XYLT1: variants seen among roughly 807,000 people sequenced by gnomAD.
XYLT1 encodes the protein beta-D-xylosyltransferase 1.
In XYLT1, 36 loss-of-function variants were observed where a neutral mutation model predicts 91.3. The observed-to-expected ratio is 0.39, with a 90% CI of 0.30 to 0.52. The LOEUF is 0.52. XYLT1 is among the 20% of genes least tolerant of loss of function. The pLI is 0.68. For missense variants in XYLT1, 1,242 were observed against 1,284.5 expected (o/e 0.97, Z 0.51); for synonymous variants, 588 against 532.0 (o/e 1.11, Z -1.45).
chr16:17,195,015 C>G (rs148528081), intron 5 of XYLT1, among the ~76,000 whole-genome samples: 4 of 152,224 alleles, frequency 2.6e-5, no homozygotes, highest in African/African-American at 7.2e-5. Context: ...ATTTCTCAAA[C>G]GCAACAAGTT....
intron 2 of XYLT1, among the ~76,000 whole-genome samples, chr16:17,337,996 T>G (rs1027719695): frequency 6.6e-6 from 1 of 151,816 alleles, no homozygotes; most frequent in African/African-American, 2.4e-5. Context: ...AGGCTGGTCT[T>G]GAACTCCTGA....
intron 1 of XYLT1, among the ~76,000 whole-genome samples, chr16:17,461,717 G>A (rs4238651): frequency 0.031 from 4,699 of 152,208 alleles, 246 homozygotes; most frequent in African/African-American, 0.11. Flanking sequence ...GGGAGAATGA[G>A]GGGCTAGAGT....
intron 6 of XYLT1, among the ~76,000 whole-genome samples, chr16:17,141,860 C>G (rs564919039): frequency 3.3e-5 from 5 of 152,318 alleles, no homozygotes; most frequent in Non-Finnish European, 5.9e-5. Context: ...AAAGTAATGC[C>G]TGTGCTTCTT....
intron 2 of XYLT1, among the ~76,000 whole-genome samples, chr16:17,326,840 CA>C (rs1179047580): frequency 2.0e-5 from 3 of 150,012 alleles, no homozygotes; most frequent in African/African-American, 4.9e-5. Context: ...CAAAAAAAAA[CA>C]AAAAAAACAA....
intron 3 of XYLT1, among the ~76,000 whole-genome samples, chr16:17,247,270 G>A (rs1020346888): frequency 2.0e-5 from 3 of 152,254 alleles, no homozygotes; most frequent in East Asian, 1.9e-4. Context: ...AATCAGTTGT[G>A]CCCAAGGGAG....
chr16:17,323,256 ACAGGCCTATT>A, intron 2 of XYLT1, among the ~76,000 whole-genome samples: 1 of 152,374 alleles, frequency 6.6e-6, no homozygotes, highest in South Asian at 2.1e-4. Context: ...TACGTAGAGG[ACAGGCCTATT>A]CTTCCTGCTG....
chr16:17,191,338 T>G (rs879090346), intron 5 of XYLT1, among the ~76,000 whole-genome samples: 2 of 152,230 alleles, frequency 1.3e-5, no homozygotes. Flanking sequence ...GGATGTGATC[T>G]GTACGCAGAT....
intron 2 of XYLT1, among the ~76,000 whole-genome samples, chr16:17,344,357 G>T (rs2035113047): frequency 6.6e-6 from 1 of 151,536 alleles, no homozygotes; most frequent in Admixed American, 6.6e-5. Context: ...GCCGGGCGTG[G>T]TGGCGGGCGC....
intron 2 of XYLT1, among the ~76,000 whole-genome samples, chr16:17,337,253 T>C (rs929803025): frequency 6.6e-6 from 1 of 152,186 alleles, no homozygotes; most frequent in Non-Finnish European, 1.5e-5. Context: ...AGTGGTGCAG[T>C]CATGGCTCAT....
chr16:17,258,911 G>T, intron 3 of XYLT1, 77 bp downstream of exon 3: 4 of 1,425,542 alleles, frequency 2.8e-6, no homozygotes, highest in Admixed American at 5.2e-5. Flanking sequence ...GGTCTGAGAA[G>T]GTGAGCAGAA....
rs927641017 is a variant in XYLT1, at chr16:17,329,661, C to T, written c.402+28351G>A. On this transcript the variant is annotated intron_variant, in intron 2 of 11. Coordinates refer to ENST00000261381, the MANE Select transcript of XYLT1 (RefSeq NM_022166.4). ...GTACTCCAGCCAGGGTAGGGAATTACGTGCTCCAAACCAGCAACCTGTGCC... is the reference window on the plus strand; with the variant it reads ...GTACTCCAGCCAGGGTAGGGAATTATGTGCTCCAAACCAGCAACCTGTGCC... Among the ~76,000 whole-genome samples the T allele has an allele frequency of 4.6e-5, 7 of 152,276 alleles. No individual in the cohort carries two copies. The East Asian group carries it at 7.7e-4, about 17-fold the overall frequency.
chr16:17,302,361 C>A (rs1313154047), intron 2 of XYLT1, among the ~76,000 whole-genome samples: 5 of 152,178 alleles, frequency 3.3e-5, no homozygotes, highest in Admixed American at 6.5e-5. Flanking sequence ...TAGCAGACAG[C>A]CATGAATACC....
At chr16:17,453,740 A>G (rs1451643690) in intron 1 of XYLT1, among the ~76,000 whole-genome samples, 1 of 152,244 alleles carries the variant, frequency 6.6e-6, no homozygotes, top group Non-Finnish European at 1.5e-5. Context: ...CAGCAAGAAA[A>G]CCAGAAAGCC....
At chr16:17,451,218 C>T (rs1250864722) in intron 1 of XYLT1, among the ~76,000 whole-genome samples, 2 of 152,168 alleles carry the variant, frequency 1.3e-5, no homozygotes, top group African/African-American at 4.8e-5. Context: ...CTGTTGGGAA[C>T]CTCACCCCAG....
At chr16:17,429,759 TC>T (rs1373319222) in intron 1 of XYLT1, among the ~76,000 whole-genome samples, 2 of 152,048 alleles carry the variant, frequency 1.3e-5, no homozygotes, top group Admixed American at 1.3e-4. Flanking sequence ...AGCTGAGACA[TC>T]CATCTCACCT....
chr16:17,348,209 T>G (rs1261904976), intron 2 of XYLT1, among the ~76,000 whole-genome samples: 1 of 151,972 alleles, frequency 6.6e-6, no homozygotes, highest in Non-Finnish European at 1.5e-5. Context: ...ACACCCAACA[T>G]GGAGACAGCA....
At chr16:17,223,144 G>A (rs2033002177) in intron 3 of XYLT1, among the ~76,000 whole-genome samples, 1 of 152,268 alleles carries the variant, frequency 6.6e-6, no homozygotes, top group South Asian at 2.1e-4. Context: ...CTGTCAGCCA[G>A]TAACAACTAA....
At chr16:17,332,567 T>TACACATACACACACACACAC (rs1233628545) in intron 2 of XYLT1, among the ~76,000 whole-genome samples, 1 of 137,902 alleles carries the variant, frequency 7.3e-6, no homozygotes, top group Non-Finnish European at 1.6e-5. Flanking sequence ...ATCACACACA[T>TACACATACACACACACACAC]ACACACACAC....
chr16:17,329,084 G>A (rs376238581), intron 2 of XYLT1, among the ~76,000 whole-genome samples: 2 of 152,200 alleles, frequency 1.3e-5, no homozygotes, highest in Admixed American at 6.5e-5. Flanking sequence ...AGCAGGCCAC[G>A]TGATCTCTCT....
Sources: gnomAD v4.1 joint callset for allele counts (sites outside exome capture counted in the v4.1 genomes callset) on GRCh38, gnomAD v4.1.1 for gene constraint, MANE v1.5 for transcripts, NCBI Gene and HGNC (gene_info 2026-07-23, HGNC 2026-07-21) for gene names.